Variants in CDH4 observed in about 807,000 individuals in gnomAD.
The protein encoded by CDH4 is cadherin 4, also known as cadherin-4.
Under a neutral mutation model 86.0 loss-of-function variants are expected in CDH4, and 33 were observed. The ratio of observed to expected loss-of-function variants is 0.38; its 90% CI spans 0.29 to 0.51. CDH4 has a LOEUF of 0.51. Among genes scored for constraint, CDH4 ranks in the 20% least tolerant of loss-of-function variants. The pLI is 0.86. For missense variants in CDH4, 1,114 were observed against 1,307.4 expected (o/e 0.85, Z 2.28); for synonymous variants, 555 against 549.4 (o/e 1.01, Z -0.14).
At chr20:61,823,623 AG>A in intron 4 of CDH4, among the ~76,000 whole-genome samples, 1 of 152,358 alleles carries the variant, frequency 6.6e-6, no homozygotes, top group African/African-American at 2.4e-5. Context: ...TGGCAGGATG[AG>A]GACTTGAACC....
intron 4 of CDH4, among the ~76,000 whole-genome samples, chr20:61,812,816 G>A (rs1274892587): frequency 6.6e-6 from 1 of 152,186 alleles, no homozygotes; most frequent in African/African-American, 2.4e-5. Flanking sequence ...AATACGTGGA[G>A]GGGTTGTGCT....
At chr20:61,845,731 C>T (rs953062468) in intron 5 of CDH4, among the ~76,000 whole-genome samples, 1 of 152,196 alleles carries the variant, frequency 6.6e-6, no homozygotes, top group African/African-American at 2.4e-5. Context: ...CAGCACAAGC[C>T]CGTGCTGTCA....
chr20:61,599,057 C>T (rs1434072631), intron 2 of CDH4, among the ~76,000 whole-genome samples: 2 of 152,206 alleles, frequency 1.3e-5, no homozygotes, highest in African/African-American at 2.4e-5. Flanking sequence ...ATGCTGACTT[C>T]TTGACACCAC....
chr20:61,293,436 A>G (rs912875965), intron 2 of CDH4, among the ~76,000 whole-genome samples: 1 of 152,122 alleles, frequency 6.6e-6, no homozygotes. Context: ...GAGAGGCCCC[A>G]GGTGCCCGGC....
chr20:61,730,555 A>G (rs564462687), intron 2 of CDH4, among the ~76,000 whole-genome samples: 3 of 152,294 alleles, frequency 2.0e-5, no homozygotes, highest in Admixed American at 6.5e-5. Flanking sequence ...TTTCTCAAGC[A>G]CTTCCTGGGT....
At chr20:61,717,481 TTTTTG>T (rs1023074315) in intron 2 of CDH4, 4 of 152,386 alleles carry the variant, frequency 2.6e-5, no homozygotes, top group Admixed American at 1.3e-4. Flanking sequence ...TGTCGTTGTT[TTTTTG>T]TTTGTTTGTT....
At chr20:61,461,540 A>G (rs1243850485) in intron 2 of CDH4, among the ~76,000 whole-genome samples, 2 of 152,262 alleles carry the variant, frequency 1.3e-5, no homozygotes, top group East Asian at 3.9e-4. Flanking sequence ...AGCAAGGGTG[A>G]TGTGACTTAC....
intron 2 of CDH4, among the ~76,000 whole-genome samples, chr20:61,474,806 C>G (rs188052894): frequency 7.9e-5 from 12 of 152,190 alleles, no homozygotes; most frequent in Admixed American, 7.8e-4. Flanking sequence ...GTGGCAGATG[C>G]TAGCAGCAAA....
chr20:61,817,951 GA>G (rs1980813776), intron 4 of CDH4, among the ~76,000 whole-genome samples: 1 of 152,208 alleles, frequency 6.6e-6, no homozygotes, highest in Non-Finnish European at 1.5e-5. Flanking sequence ...CAGGAATTTG[GA>G]TCTTGCAGGG....
intron 2 of CDH4, among the ~76,000 whole-genome samples, chr20:61,378,220 A>G (rs1007561599): frequency 3.9e-5 from 6 of 152,238 alleles, no homozygotes; most frequent in Non-Finnish European, 8.8e-5. Context: ...TTGCCACTGC[A>G]CGGCAGCCAG....
At chr20:61,278,757 T>A (rs1037311631) in intron 2 of CDH4, among the ~76,000 whole-genome samples, 2 of 152,250 alleles carry the variant, frequency 1.3e-5, no homozygotes, top group Non-Finnish European at 2.9e-5. Flanking sequence ...GAGACTTTGC[T>A]GGCTCCCCCT....
intron 2 of CDH4, among the ~76,000 whole-genome samples, chr20:61,565,101 C>G (rs76692330): frequency 0.02 from 801 of 40,360 alleles, 6 homozygotes; most frequent in Middle Eastern, 0.06. Flanking sequence ...CTTGGTGGTG[C>G]TCTTGGTGGT....
chr20:61,750,148 G>T (rs577007985), intron 3 of CDH4, among the ~76,000 whole-genome samples: 156 of 152,122 alleles, frequency 1.0e-3, no homozygotes, highest in African/African-American at 3.6e-3. Context: ...TCTAAAGAAA[G>T]AAATTGTTAA....
chr20:61,721,320 T>C (rs2088038551), intron 2 of CDH4, among the ~76,000 whole-genome samples: 1 of 152,158 alleles, frequency 6.6e-6, no homozygotes, highest in African/African-American at 2.4e-5. Flanking sequence ...TGGATGGAAT[T>C]AAGGCCAGGC....
At chr20:61,688,843 A>G (rs1312180270) in intron 2 of CDH4, among the ~76,000 whole-genome samples, 1 of 152,242 alleles carries the variant, frequency 6.6e-6, no homozygotes, top group East Asian at 1.9e-4. Flanking sequence ...GGAGTGTGCA[A>G]CCCAGCAGGG....
chr20:61,710,664 C>T (rs944549440), intron 2 of CDH4, among the ~76,000 whole-genome samples: 1 of 152,200 alleles, frequency 6.6e-6, no homozygotes, highest in African/African-American at 2.4e-5. Context: ...GGGCAAGGGC[C>T]CATGTGGAGC....
intron 9 of CDH4, among the ~76,000 whole-genome samples, chr20:61,915,908 G>C (rs1044457252): frequency 1.3e-5 from 2 of 152,162 alleles, no homozygotes; most frequent in African/African-American, 4.8e-5. Context: ...GAGGAGCTGA[G>C]AGCACAGACT....
At chr20:61,455,615 A>G (rs1051282040) in intron 2 of CDH4, among the ~76,000 whole-genome samples, 6 of 152,234 alleles carry the variant, frequency 3.9e-5, no homozygotes, top group Non-Finnish European at 8.8e-5. Context: ...CTAGCCAGCC[A>G]CATGTGGAGC....
At chr20:61,511,312 G>A (rs2085778198) in intron 2 of CDH4, among the ~76,000 whole-genome samples, 3 of 152,214 alleles carry the variant, frequency 2.0e-5, no homozygotes, top group Admixed American at 2.0e-4. Context: ...TGGCCTGGAA[G>A]TCGTCTTACG....
Sources: allele counts gnomAD v4.1 joint callset (sites outside exome capture counted in the v4.1 genomes callset), GRCh38; gene constraint gnomAD v4.1.1; transcripts MANE v1.5; gene names NCBI Gene and HGNC (gene_info 2026-07-23, HGNC 2026-07-21).